The following MAST2 variants were observed in gnomAD, a reference collection of about 807,000 sequenced individuals.
MAST2 encodes the protein microtubule associated serine/threonine kinase 2, also known as microtubule-associated serine/threonine-protein kinase 2.
A neutral mutation model predicts 147.4 loss-of-function variants in MAST2; 70 were observed. The ratio of observed to expected loss-of-function variants is 0.47; its 90% CI spans 0.39 to 0.58. The LOEUF (loss-of-function observed/expected upper bound fraction) is 0.58. MAST2 is among the 20% of genes least tolerant of loss of function. MAST2 has a pLI of 0.00. For missense variants in MAST2, 2,080 were observed against 2,302.3 expected, an observed-to-expected ratio of 0.90 and a Z score of 1.98; for synonymous variants, 869 against 896.8, an observed-to-expected ratio of 0.97 and a Z score of 0.55.
chr1:46,033,536 G>A (rs1182833691), intron 26 of MAST2, among the ~76,000 whole-genome samples: 1 of 152,180 alleles, frequency 6.6e-6, no homozygotes, highest in African/African-American at 2.4e-5. Context: ...CTAAGGCCCA[G>A]GGATCCTTCT....
intron 5 of MAST2, among the ~76,000 whole-genome samples, chr1:45,978,051 T>TA (rs896159274): frequency 6.6e-6 from 1 of 150,968 alleles, no homozygotes; most frequent in African/African-American, 2.4e-5. Flanking sequence ...CCCTATCTCT[T>TA]ATATTTAAAA....
Position 46,034,162 on chromosome 1 carries a change from T to G in MAST2, c.3764T>G (p.Leu1255Trp). 1 of 1,614,146 alleles carries G rather than the reference T, an allele frequency of 6.2e-7. No individual in the cohort carries two copies. The highest frequency in any genetic ancestry group is 2.2e-5 in the East Asian group (1 of 44,878). ...SRSLSSLNRS[L>W]SSGESGPGSP... ...AGCCTTTCTTCCCTTAACCGCTCCT[T>G]GTCATCAGGGGAGAGTGGGCCAGGC... The change falls in exon 28 of 29, where the codon TTG (leucine) becomes TGG (tryptophan). Residue 1255 changes from leucine to tryptophan, a missense_variant. Leu to Trp is a moderately conservative substitution (Grantham distance 61). Transcript: ENST00000361297.
intron 4 of MAST2, among the ~76,000 whole-genome samples, chr1:45,948,578 G>T (rs1378379138): frequency 6.6e-6 from 1 of 151,702 alleles, no homozygotes; most frequent in Non-Finnish European, 1.5e-5. Context: ...GTGGTGGTGT[G>T]TGTCTGTAGT....
At chr1:45,907,842 T>C (rs1651025875) in intron 4 of MAST2, among the ~76,000 whole-genome samples, 1 of 152,232 alleles carries the variant, frequency 6.6e-6, no homozygotes, top group Non-Finnish European at 1.5e-5. Flanking sequence ...GTCTGGCTTA[T>C]GTCACTTAGC....
intron 1 of MAST2, among the ~76,000 whole-genome samples, chr1:45,814,744 G>A (rs1644402453): frequency 6.6e-6 from 1 of 152,170 alleles, no homozygotes; most frequent in South Asian, 2.1e-4. Flanking sequence ...CCAAGATCAC[G>A]CCATTGCACT....
intron 4 of MAST2, among the ~76,000 whole-genome samples, chr1:45,949,067 T>C (rs1169294062): frequency 6.6e-6 from 1 of 151,204 alleles, no homozygotes; most frequent in Non-Finnish European, 1.5e-5. Context: ...CTCCTTTACA[T>C]CATATACAAA....
chr1:46,034,742 C>T lies in MAST2; in HGVS notation c.4073C>T (p.Ser1358Leu). The T allele has an allele frequency of 1.2e-6, 2 of 1,613,938 alleles. No individual in the cohort carries two copies. Among genetic ancestry groups the T allele is most frequent in the Non-Finnish European group, 8.5e-7 (1 of 1,179,988 alleles). The change falls in exon 29 of 29, where the codon TCA becomes TTA. Residue 1358 changes from serine to leucine, a missense_variant. Ser to Leu is a moderately radical substitution (Grantham distance 145, BLOSUM62 -2). Around this residue, in one of 4 missense-constraint regions of MAST2, gnomAD observed 1,278 missense variants for 1,304.2 expected, o/e 0.98. Coordinates refer to ENST00000361297, the MANE Select transcript of MAST2 (RefSeq NM_015112.3). ...CCTTCTCCCCCACCCCCAACAGCTT[C>T]ACCTCAGCGGTCCCCATCGCCCCTG... ...HTPSPPPPTA[S>L]PQRSPSPLSG...
chr1:45,969,265 C>T (rs190897435), intron 5 of MAST2, among the ~76,000 whole-genome samples: 8 of 152,098 alleles, frequency 5.3e-5, no homozygotes, highest in Admixed American at 1.3e-4. Flanking sequence ...AAAAGGTGGA[C>T]GAGATGAACT....
At chr1:45,848,025 C>T (rs962983651) in intron 3 of MAST2, among the ~76,000 whole-genome samples, 1 of 152,204 alleles carries the variant, frequency 6.6e-6, no homozygotes, top group African/African-American at 2.4e-5. Context: ...CCTAGTTTAA[C>T]GTATGTTCTC....
intron 4 of MAST2, among the ~76,000 whole-genome samples, chr1:45,919,339 T>A (rs547377357): frequency 2.0e-5 from 3 of 151,958 alleles, no homozygotes; most frequent in Non-Finnish European, 4.4e-5. Flanking sequence ...CTAAAATGAA[T>A]TAGCTATTCA....
intron 4 of MAST2, among the ~76,000 whole-genome samples, chr1:45,952,610 GCA>G (rs1376795208): frequency 6.6e-6 from 1 of 152,158 alleles, no homozygotes; most frequent in African/African-American, 2.4e-5. Context: ...CAAAGGAACA[GCA>G]CTTATGCTAA....
At chr1:45,949,807 T>C (rs1457883645) in intron 4 of MAST2, among the ~76,000 whole-genome samples, 2 of 152,106 alleles carry the variant, frequency 1.3e-5, no homozygotes, top group African/African-American at 4.8e-5. Flanking sequence ...AGCAAAGACA[T>C]GGAATCAACC....
chr1:45,859,323 C>T (rs1232323481), intron 3 of MAST2, among the ~76,000 whole-genome samples: 1 of 152,192 alleles, frequency 6.6e-6, no homozygotes, highest in Non-Finnish European at 1.5e-5. Flanking sequence ...TAGTCTCAAA[C>T]TCCTGGCCTC....
chr1:46,029,334 C>G (rs928706495), intron 18 of MAST2, 132 bp from the exon 19 acceptor site: 2 of 662,584 alleles, frequency 3.0e-6, no homozygotes, highest in Non-Finnish European at 5.1e-6. Flanking sequence ...ACTGGGGTCC[C>G]AGGCAAGGCT....
At chr1:45,937,450 A>G (rs1046995627) in intron 4 of MAST2, among the ~76,000 whole-genome samples, 3 of 151,964 alleles carry the variant, frequency 2.0e-5, no homozygotes, top group Non-Finnish European at 4.4e-5. Context: ...TTTACAAAGT[A>G]TAAAATATGC....
intron 18 of MAST2, 91 bp from the exon 19 acceptor site, chr1:46,029,375 C>T: frequency 1.0e-5 from 11 of 1,094,794 alleles, no homozygotes; most frequent in Admixed American, 4.9e-5. Context: ...TCCTTTTTGC[C>T]TCCTTTCCTT....
At chr1:45,819,987 AAAAC>A (rs745888938) in intron 1 of MAST2, among the ~76,000 whole-genome samples, 2 of 152,236 alleles carry the variant, frequency 1.3e-5, no homozygotes, top group Non-Finnish European at 2.9e-5. Flanking sequence ...TACTGACATA[AAAAC>A]AAACAGAGAC....
chr1:46,034,550 C>A lies in MAST2; in HGVS notation c.3881C>A (p.Ser1294Ter). The A allele has an allele frequency of 1.2e-6, 2 of 1,612,950 alleles. No individual in the cohort carries two copies. The highest frequency in any genetic ancestry group is 1.7e-6 in the Non-Finnish European group (2 of 1,179,512). The stretch of plus-strand genomic sequence containing the variant: ...TCTCTGTACAAAGTGGGAGGGAATT[C>A]ATCACAGAGCAGCTCCCCCAGCTCC... ...PDAVHSVGGN[S>*]SQSSSPSSSV... The change falls in exon 29 of 29, where the codon TCA (serine) becomes TAA (stop). Residue 1294 changes from serine to a stop codon, truncating the protein, a stop_gained. Coordinates refer to ENST00000361297, the MANE Select transcript of MAST2 (RefSeq NM_015112.3). LOFTEE classifies it low-confidence loss of function (END_TRUNC).
chr1:45,888,555 G>A (rs1647193592), intron 4 of MAST2, among the ~76,000 whole-genome samples: 1 of 151,006 alleles, frequency 6.6e-6, no homozygotes, highest in South Asian at 2.1e-4. Flanking sequence ...GTAGAGACCG[G>A]GTATCACTCT....
Sources: gnomAD v4.1 joint callset for allele counts (sites outside exome capture counted in the v4.1 genomes callset) on GRCh38, gnomAD v4.1.1 for gene constraint, gnomAD v4.1.1 regional missense constraint, MANE v1.5 for transcripts, NCBI Gene and HGNC (gene_info 2026-07-23, HGNC 2026-07-21) for gene names.